The following KCNK9 variants were observed in gnomAD, a reference collection of about 807,000 sequenced individuals.
KCNK9 encodes potassium channel subfamily K member 9.
In KCNK9, 1 loss-of-function variant was observed where a neutral mutation model predicts 10.8. The observed-to-expected ratio is 0.09, with a 90% CI of 0.03 to 0.44. The LOEUF (loss-of-function observed/expected upper bound fraction) is 0.44, where lower values mean the gene tolerates loss of function less well. KCNK9 is among the 20% of genes least tolerant of loss of function. The probability of loss-of-function intolerance (pLI) is 0.97; values close to 1 mark genes in which losing one functional copy is unlikely to be tolerated. For synonymous variants in KCNK9, 231 were observed against 222.7 expected (o/e 1.04, Z -0.33); for missense variants, 303 against 515.0 (o/e 0.59, Z 3.98).
chr8:139,660,289 T>C (rs1193294333), intron 1 of KCNK9, among the ~76,000 whole-genome samples: 1 of 152,078 alleles, frequency 6.6e-6, no homozygotes, highest in African/African-American at 2.4e-5. Flanking sequence ...GACAGGCCCC[T>C]GGCTCCTCCA....
intron 1 of KCNK9, among the ~76,000 whole-genome samples, chr8:139,662,219 A>G (rs557392659): frequency 1.3e-5 from 2 of 152,216 alleles, no homozygotes; most frequent in Non-Finnish European, 2.9e-5. Context: ...GCAGGCAGAG[A>G]TGGCAGGAGC....
intron 1 of KCNK9, among the ~76,000 whole-genome samples, chr8:139,654,496 G>C (rs1815963867): frequency 6.6e-6 from 1 of 152,144 alleles, no homozygotes; most frequent in Admixed American, 6.5e-5. Flanking sequence ...TGGCTTCCTG[G>C]ATGATCCCCA....
chr8:139,700,725 G>C (rs1817199145), intron 1 of KCNK9, among the ~76,000 whole-genome samples: 2 of 152,108 alleles, frequency 1.3e-5, no homozygotes, highest in Non-Finnish European at 2.9e-5. Context: ...CACTTCCCTT[G>C]ACAGCTTCTC....
chr8:139,687,664 A>ACATATGTATACATATATATT (rs1337599949), intron 1 of KCNK9, among the ~76,000 whole-genome samples: 4 of 116,528 alleles, frequency 3.4e-5, no homozygotes, highest in Non-Finnish European at 5.4e-5. Context: ...TCATATGTAT[A>ACATATGTATACATATATATT]CATATGTATA....
chr8:139,671,260 C>T (rs1816419651), intron 1 of KCNK9, among the ~76,000 whole-genome samples: 1 of 152,184 alleles, frequency 6.6e-6, no homozygotes, highest in Non-Finnish European at 1.5e-5. Flanking sequence ...CCCTTTCTTT[C>T]CTGGCTCAGC....
At chr8:139,643,975 C>A (rs16911120) in intron 1 of KCNK9, among the ~76,000 whole-genome samples, 1 of 152,174 alleles carries the variant, frequency 6.6e-6, no homozygotes, top group African/African-American at 2.4e-5. Context: ...ATCCGGGCCC[C>A]ATGAAGGCGG....
In KCNK9 at chr8:139,641,744, G is replaced by A. The variant is rs1004450994; in HGVS notation, c.284-22645C>T. ...AGGAGCCCTTGTCCCTGCCGTGCCC[G>A]CTACATGGCTGCCCTCCTGGGGGAG... On this transcript the variant is annotated intron_variant, in intron 1 of 1. Coordinates refer to ENST00000520439, the MANE Select transcript of KCNK9 (RefSeq NM_001282534.2). Among the ~76,000 whole-genome samples the A allele has an allele frequency of 4.7e-4, 72 of 152,270 alleles. 1 individual carries two copies. The highest frequency in any genetic ancestry group is 4.6e-4 in the Non-Finnish European group (31 of 68,026).
chr8:139,691,989 T>G (rs553280198), intron 1 of KCNK9, among the ~76,000 whole-genome samples: 1 of 152,320 alleles, frequency 6.6e-6, no homozygotes, highest in South Asian at 2.1e-4. Flanking sequence ...AGAAGCAGGC[T>G]CAGCTGGCAC....
At chr8:139,648,850 G>C (rs1216701307) in intron 1 of KCNK9, among the ~76,000 whole-genome samples, 1 of 152,234 alleles carries the variant, frequency 6.6e-6, no homozygotes, top group Non-Finnish European at 1.5e-5. Context: ...TGGGCTGGAT[G>C]GGGTGTCATT....
At chr8:139,690,802 G>A (rs532122805) in intron 1 of KCNK9, among the ~76,000 whole-genome samples, 12 of 152,306 alleles carry the variant, frequency 7.9e-5, no homozygotes, top group African/African-American at 2.9e-4. Flanking sequence ...AGATCTCTCA[G>A]AGCCTCATCA....
At chr8:139,608,855 A>G (rs540448017), downstream of KCNK9, among the ~76,000 whole-genome samples, 1 of 152,228 alleles carries the variant, frequency 6.6e-6, no homozygotes, top group Non-Finnish European at 1.5e-5. Flanking sequence ...CTCTTGGCTT[A>G]TGGTTTTGTC....
intron 1 of KCNK9, among the ~76,000 whole-genome samples, chr8:139,689,860 T>C (rs953646024): frequency 1.3e-5 from 2 of 152,128 alleles, no homozygotes; most frequent in East Asian, 3.9e-4. Context: ...GCCAGGATGG[T>C]CTCGATCTCC....
chr8:139,647,708 C>G (rs749584877), intron 1 of KCNK9, among the ~76,000 whole-genome samples: 2 of 152,140 alleles, frequency 1.3e-5, no homozygotes, highest in Non-Finnish European at 2.9e-5. Context: ...TCAGGGCCAT[C>G]GTAAGGGCTT....
chr8:139,652,837 G>A (rs1815909691), intron 1 of KCNK9, among the ~76,000 whole-genome samples: 1 of 152,100 alleles, frequency 6.6e-6, no homozygotes, highest in South Asian at 2.1e-4. Flanking sequence ...TAGATTCTGG[G>A]GTCCCCTCAG....
At chr8:139,675,946 G>A (rs974049825) in intron 1 of KCNK9, among the ~76,000 whole-genome samples, 15 of 152,086 alleles carry the variant, frequency 9.9e-5, no homozygotes, top group Admixed American at 9.8e-4. Flanking sequence ...CTGGCCAATG[G>A]AATGTGGGCA....
In KCNK9 at chr8:139,683,058, T is replaced by G. The variant is rs187194987; in HGVS notation, c.283+19652A>C. 3.9e-3 allele frequency among the ~76,000 whole-genome samples: 591 copies of G among 152,222 alleles called. 2 individuals carry two copies. The highest frequency in any genetic ancestry group is 7.2e-3 in the Non-Finnish European group (492 of 67,990). On this transcript the variant is annotated intron_variant, in intron 1 of 1. Transcript: ENST00000520439. ...AGGGAAGAGGGCATCTACAATTCCC[T>G]TCTAAATTTTAAAAAGCAAGATCCC...
chr8:139,635,756 C>T (rs1815317956), intron 1 of KCNK9, among the ~76,000 whole-genome samples: 1 of 152,142 alleles, frequency 6.6e-6, no homozygotes, highest in Non-Finnish European at 1.5e-5. Flanking sequence ...AAATCACCCA[C>T]AACCCCCCCA....
intron 1 of KCNK9, among the ~76,000 whole-genome samples, chr8:139,646,004 C>T (rs1255166088): frequency 6.6e-6 from 1 of 152,206 alleles, no homozygotes; most frequent in African/African-American, 2.4e-5. Context: ...CAAGCTCAGA[C>T]ACTCCCTGGG....
At position 139,702,158 on chromosome 8, in the gene KCNK9, C is replaced by CG. The variant is rs373647435; in HGVS notation, c.283+551dup. Among the ~76,000 whole-genome samples the CG allele has an allele frequency of 3.4e-3, 511 of 152,130 alleles. 3 individuals carry two copies. The highest frequency in any genetic ancestry group is 0.012 in the African/African-American group (479 of 41,540). On this transcript the variant is annotated intron_variant, in intron 1 of 1. Coordinates refer to ENST00000520439, the MANE Select transcript of KCNK9 (RefSeq NM_001282534.2). The surrounding 1 kb of genome is among the most constrained non-coding windows in gnomAD (Gnocchi z 7.5). The stretch of plus-strand genomic sequence containing the variant: ...AACTCAGGGGAAAAAAGGAGCCGGG[C>CG]GGGGGGAAGAGAGATGAAATCTGAG...
Sources: gnomAD v4.1 joint callset for allele counts (sites outside exome capture counted in the v4.1 genomes callset) on GRCh38, gnomAD v4.1.1 for gene constraint, Gnocchi (gnomAD v3.1) non-coding constraint, MANE v1.5 for transcripts, NCBI Gene and HGNC (gene_info 2026-07-23, HGNC 2026-07-21) for gene names.